The following AHI1 variants were observed in gnomAD, a reference collection of about 807,000 sequenced individuals.
AHI1 encodes the protein Abelson helper integration site 1, also known as jouberin.
Under a neutral mutation model 149.3 loss-of-function variants are expected in AHI1, and 123 were observed. The ratio of observed to expected loss-of-function variants is 0.82; its 90% CI spans 0.71 to 0.96. AHI1 has a LOEUF of 0.96. AHI1 is among the 40% of genes least tolerant of loss of function. The probability of loss-of-function intolerance (pLI) is 0.00; values close to 1 mark genes in which losing one functional copy is unlikely to be tolerated. For missense variants in AHI1, 1,439 were observed against 1,422.7 expected (o/e 1.01, Z -0.18); for synonymous variants, 475 against 459.8 (o/e 1.03, Z -0.42).
intron 11 of AHI1, among the ~76,000 whole-genome samples, chr6:135,450,409 T>C (rs1787911916): frequency 6.6e-6 from 1 of 152,148 alleles, no homozygotes; most frequent in Non-Finnish European, 1.5e-5. Flanking sequence ...GAAAAAGAGA[T>C]GGCAAAATAT....
At chr6:135,325,951 T>C (rs1300098436) in intron 24 of AHI1, among the ~76,000 whole-genome samples, 2 of 152,172 alleles carry the variant, frequency 1.3e-5, no homozygotes, top group African/African-American at 4.8e-5. Flanking sequence ...AAAATTTTCC[T>C]GAATTTTACA....
chr6:135,429,656 G>C (rs375590654), intron 18 of AHI1, among the ~76,000 whole-genome samples: 86 of 151,392 alleles, frequency 5.7e-4, no homozygotes, highest in African/African-American at 1.9e-3. Flanking sequence ...AATTGTTTTA[G>C]GGGGACTGTC....
chr6:135,340,371 A>G (rs899061651), intron 24 of AHI1, among the ~76,000 whole-genome samples: 9 of 151,934 alleles, frequency 5.9e-5, no homozygotes, highest in African/African-American at 2.2e-4. Flanking sequence ...ACTCTGTCTC[A>G]AAAAACAAAA....
intron 24 of AHI1, among the ~76,000 whole-genome samples, chr6:135,356,822 ATTAAG>A (rs1430781895): frequency 6.6e-6 from 1 of 152,234 alleles, no homozygotes; most frequent in Non-Finnish European, 1.5e-5. Flanking sequence ...AGTCCCACAT[ATTAAG>A]TTATCAAACA....
At chr6:135,417,641 GT>G (rs1158024890) in intron 20 of AHI1, among the ~76,000 whole-genome samples, 1 of 151,768 alleles carries the variant, frequency 6.6e-6, no homozygotes, top group South Asian at 2.1e-4. Flanking sequence ...ATGAACACTT[GT>G]TTTTTTCATC....
intron 18 of AHI1, among the ~76,000 whole-genome samples, chr6:135,429,330 T>C (rs1784334416): frequency 1.3e-5 from 2 of 151,738 alleles, no homozygotes; most frequent in South Asian, 4.1e-4. Context: ...AGTATTATTA[T>C]CATCTCTAAC....
At chr6:135,439,791 G>C (rs1401238209) in intron 14 of AHI1, among the ~76,000 whole-genome samples, 1 of 152,144 alleles carries the variant, frequency 6.6e-6, no homozygotes, top group Non-Finnish European at 1.5e-5. Flanking sequence ...GATGGCAATC[G>C]GGTTCAGTAC....
chr6:135,343,183 T>A (rs1481911821), intron 24 of AHI1, among the ~76,000 whole-genome samples: 1 of 151,850 alleles, frequency 6.6e-6, no homozygotes, highest in Non-Finnish European at 1.5e-5. Context: ...TAATGAACAA[T>A]CTGAACATAA....
intron 22 of AHI1, among the ~76,000 whole-genome samples, chr6:135,399,092 G>A (rs561871099): frequency 1.3e-5 from 2 of 152,320 alleles, no homozygotes; most frequent in South Asian, 2.1e-4. Flanking sequence ...GCTGAGGCAG[G>A]AGAACTGCTT....
chr6:135,436,225 C>T lies in AHI1; in HGVS notation c.2036+2150G>A, dbSNP rs776531873. ...GGATCCTGGGGATAAAACATATAGA[C>T]GATCGGCAGAGGAAAATAAATCAGA... On this transcript the variant is annotated intron_variant, in intron 15 of 28. Coordinates refer to ENST00000265602, the MANE Select transcript of AHI1 (RefSeq NM_001134831.2). Among the ~76,000 whole-genome samples, 27 of 152,126 alleles carry T rather than the reference C, an allele frequency of 1.8e-4. 1 individual carries two copies. The South Asian group carries it at 3.1e-3, about 18-fold the overall frequency.
At chr6:135,487,867 C>T (rs142695489) in intron 5 of AHI1, among the ~76,000 whole-genome samples, 427 of 152,146 alleles carry the variant, frequency 2.8e-3, no homozygotes, top group Middle Eastern at 0.014. Flanking sequence ...TGATTCATAT[C>T]TAGAAATGGT....
chr6:135,473,485 G>A (rs1210593545), intron 5 of AHI1, among the ~76,000 whole-genome samples: 1 of 152,076 alleles, frequency 6.6e-6, no homozygotes. Context: ...TAATTTCTGA[G>A]AGAGGATACT....
Position 135,358,154 on chromosome 6 carries a change from T to G in AHI1, c.3143A>C (p.His1048Pro), listed in dbSNP as rs770568902. 6.2e-7 allele frequency: 1 copy of G among 1,613,340 alleles called. No homozygotes were observed. The highest frequency in any genetic ancestry group is 8.5e-7 in the Non-Finnish European group (1 of 1,179,578). Residue 1048 changes from histidine (H) to proline (P), a missense_variant, in exon 24 of 29, where the codon CAT becomes CCT. Transcript: ENST00000265602. Reference sequence around the variant, plus strand: ...TACCGTTGGTGCTGTATCTACCTGATGGTTACAAGGCTTTCTTTCTATGCT... The same window carrying G: ...TACCGTTGGTGCTGTATCTACCTGAGGGTTACAAGGCTTTCTTTCTATGCT... ...IISIERKPCN[H>P]QVDTAPTVVA...
chr6:135,381,258 A>G (rs929812977), intron 23 of AHI1, among the ~76,000 whole-genome samples: 1 of 152,154 alleles, frequency 6.6e-6, no homozygotes, highest in Non-Finnish European at 1.5e-5. Flanking sequence ...AAAACAAAAC[A>G]CCTGTTCATG....
intron 24 of AHI1, among the ~76,000 whole-genome samples, chr6:135,331,576 G>T (rs1321714673): frequency 1.3e-5 from 2 of 152,124 alleles, no homozygotes; most frequent in East Asian, 3.9e-4. Flanking sequence ...AGTGACGCCT[G>T]GTCAATGAAA....
intron 20 of AHI1, among the ~76,000 whole-genome samples, chr6:135,424,718 T>C (rs931239339): frequency 1.5e-4 from 23 of 152,106 alleles, no homozygotes; most frequent in African/African-American, 5.3e-4. Flanking sequence ...AACTGAAAGA[T>C]GGATGATACA....
chr6:135,452,455 T>C (rs552434091), intron 11 of AHI1, among the ~76,000 whole-genome samples: 2 of 152,348 alleles, frequency 1.3e-5, no homozygotes, highest in South Asian at 4.1e-4. Flanking sequence ...AAAGACATTT[T>C]TTACCTAGAC....
intron 27 of AHI1, among the ~76,000 whole-genome samples, chr6:135,299,493 G>A (rs192762510): frequency 2.6e-5 from 4 of 152,276 alleles, no homozygotes; most frequent in Non-Finnish European, 5.9e-5. Context: ...TGGGATGGGA[G>A]GGTATGATAG....
chr6:135,493,115 C>T (rs546458973), intron 3 of AHI1: 29 of 292,512 alleles, frequency 9.9e-5, no homozygotes, highest in Non-Finnish European at 1.4e-4. Context: ...TCTCCTGCCT[C>T]AGCCTCCCGA....
Sources: gnomAD v4.1 joint callset for allele counts (sites outside exome capture counted in the v4.1 genomes callset) on GRCh38, gnomAD v4.1.1 for gene constraint, MANE v1.5 for transcripts, NCBI Gene and HGNC (gene_info 2026-07-23, HGNC 2026-07-21) for gene names.